The following PEPD variants were observed in gnomAD, a reference collection of about 807,000 sequenced individuals.
PEPD encodes the protein xaa-Pro dipeptidase.
PEPD carries 53 observed loss-of-function variants against 60.7 expected under a neutral mutation model. The observed-to-expected ratio is 0.87, with a 90% CI of 0.70 to 1.10. PEPD has a LOEUF of 1.10. Ranked by LOEUF, PEPD falls within the 50% of genes least tolerant of loss-of-function variation. The pLI, the probability that PEPD is intolerant of heterozygous loss-of-function variation, is 0.00. For synonymous variants in PEPD, 267 were observed against 284.1 expected (o/e 0.94, Z 0.60); for missense variants, 711 against 711.9 (o/e 1.00, Z 0.01).
chr19:33,403,088 C>T (rs1307878646), intron 11 of PEPD, among the ~76,000 whole-genome samples: 1 of 152,188 alleles, frequency 6.6e-6, no homozygotes, highest in African/African-American at 2.4e-5. Flanking sequence ...GCTCTCAGGA[C>T]TCCCCGGAAG....
intron 9 of PEPD, among the ~76,000 whole-genome samples, chr19:33,421,275 G>A (rs1969011878): frequency 6.6e-6 from 1 of 152,144 alleles, no homozygotes; most frequent in East Asian, 1.9e-4. Flanking sequence ...AAGCCCAACA[G>A]GTTTTCTGAG....
intron 9 of PEPD, among the ~76,000 whole-genome samples, chr19:33,461,232 A>G (rs1568483608): frequency 6.6e-6 from 1 of 152,166 alleles, no homozygotes; most frequent in Non-Finnish European, 1.5e-5. Flanking sequence ...AAACAAAACT[A>G]AACACAAAAA....
Position 33,511,047 on chromosome 19 carries a change from G to A in PEPD, c.310C>T (p.His104Tyr), listed in dbSNP as rs766890433. 2 of 1,613,432 alleles carry A rather than the reference G, an allele frequency of 1.2e-6. No homozygotes were observed. Among genetic ancestry groups the A allele is most frequent in the African/African-American group, 2.7e-5 (2 of 74,842 alleles). Residue 104 changes from histidine (H) to tyrosine (Y), a missense_variant, in exon 3 of 15, where the codon CAT becomes TAT. Coordinates refer to ENST00000244137, the MANE Select transcript of PEPD (RefSeq NM_000285.4). ...CCTTACTTTCCCATCCAGGTGGCAT[G>A]GCTGGCAGGAAGCCTGGGCACAAAC... ...TLFVPRLPASHATWMGKIHSK... is the reference protein window; with the variant it reads ...TLFVPRLPASYATWMGKIHSK...
chr19:33,512,171 G>A (rs1179699161), intron 2 of PEPD, among the ~76,000 whole-genome samples: 1 of 152,166 alleles, frequency 6.6e-6, no homozygotes, highest in East Asian at 1.9e-4. Flanking sequence ...ATTTAGAGTT[G>A]GAAGACAAAG....
At chr19:33,502,179 A>G (rs889708846) in intron 3 of PEPD, among the ~76,000 whole-genome samples, 6 of 152,156 alleles carry the variant, frequency 3.9e-5, no homozygotes, top group African/African-American at 1.4e-4. Flanking sequence ...GCCAAGTCCA[A>G]TGACGCACAC....
chr19:33,417,642 G>A (rs1968917823), intron 9 of PEPD, among the ~76,000 whole-genome samples: 1 of 152,162 alleles, frequency 6.6e-6, no homozygotes, highest in Non-Finnish European at 1.5e-5. Context: ...TATACACAAT[G>A]GTGCCTGGTA....
chr19:33,490,376 C>A (rs1948664053), intron 5 of PEPD, among the ~76,000 whole-genome samples: 1 of 152,354 alleles, frequency 6.6e-6, no homozygotes, highest in East Asian at 1.9e-4. Flanking sequence ...AGGCGAGGAC[C>A]CGGGACCACT....
At chr19:33,473,950 C>T (rs145678820) in intron 7 of PEPD, among the ~76,000 whole-genome samples, 15 of 152,140 alleles carry the variant, frequency 9.9e-5, no homozygotes, top group Non-Finnish European at 1.9e-4. Flanking sequence ...GAATGACAGC[C>T]GAACAAAAAT....
chr19:33,419,789 G>A (rs1968972342), intron 9 of PEPD, among the ~76,000 whole-genome samples: 1 of 152,260 alleles, frequency 6.6e-6, no homozygotes, highest in Non-Finnish European at 1.5e-5. Flanking sequence ...GGTCTGCAAG[G>A]ACAACTGGCC....
chr19:33,389,713 C>T (rs182334579), intron 13 of PEPD, among the ~76,000 whole-genome samples: 1 of 152,356 alleles, frequency 6.6e-6, no homozygotes, highest in Admixed American at 6.5e-5. Flanking sequence ...CCCAGAGAAA[C>T]GAACTTTCCT....
At chr19:33,388,262 C>A in intron 13 of PEPD, 181 bp from the exon 14 acceptor site, 1 of 701,578 alleles carries the variant, frequency 1.4e-6, no homozygotes, top group South Asian at 1.5e-5. Context: ...GACCTTCCAC[C>A]CTGCACATAC....
At chr19:33,406,842 A>T (rs1968637720) in intron 11 of PEPD, among the ~76,000 whole-genome samples, 1 of 152,036 alleles carries the variant, frequency 6.6e-6, no homozygotes, top group Non-Finnish European at 1.5e-5. Context: ...TCTCGCCATT[A>T]TCTAGCCAGG....
At chr19:33,503,001 C>T (rs984202002) in intron 3 of PEPD, among the ~76,000 whole-genome samples, 5 of 151,908 alleles carry the variant, frequency 3.3e-5, no homozygotes, top group South Asian at 2.1e-4. Flanking sequence ...GAGAACCCCA[C>T]GGAACACGGT....
intron 9 of PEPD, among the ~76,000 whole-genome samples, chr19:33,423,689 T>C (rs1186868519): frequency 6.6e-6 from 1 of 152,264 alleles, no homozygotes; most frequent in Non-Finnish European, 1.5e-5. Context: ...TTCTTATTGA[T>C]CCTTAAGGGA....
At chr19:33,433,975 C>T (rs1044156987) in intron 9 of PEPD, among the ~76,000 whole-genome samples, 3 of 94,050 alleles carry the variant, frequency 3.2e-5, no homozygotes, top group Non-Finnish European at 6.2e-5. Context: ...TGACATCTCA[C>T]AAACGTGCCC....
intron 9 of PEPD, among the ~76,000 whole-genome samples, chr19:33,458,531 T>C (rs1403281870): frequency 6.7e-6 from 1 of 149,080 alleles, no homozygotes; most frequent in African/African-American, 2.5e-5. Context: ...GATGTGTATG[T>C]GTGGTGTGTG....
At chr19:33,508,692 C>A (rs1970861602) in intron 3 of PEPD, among the ~76,000 whole-genome samples, 4 of 152,194 alleles carry the variant, frequency 2.6e-5, no homozygotes, top group Admixed American at 2.6e-4. Context: ...GGGAGAGAAC[C>A]AGGTGGAAGC....
chr19:33,496,145 A>G (rs981632667), intron 4 of PEPD, among the ~76,000 whole-genome samples: 5 of 152,208 alleles, frequency 3.3e-5, no homozygotes, highest in Non-Finnish European at 5.9e-5. Context: ...TCAGCTGCAC[A>G]GAAGGAGCCC....
Position 33,387,461 on chromosome 19 carries a change from G to A in PEPD, c.1365C>T (p.Val455=), listed in dbSNP as rs778506447. Reference sequence around the variant, plus strand: ...GCTCTATGCCGCTGTCAGTCACCACGACGTCCTCCTCGATGCGGACCTGGG... The same window carrying A: ...GCTCTATGCCGCTGTCAGTCACCACAACGTCCTCCTCGATGCGGACCTGGG... ...GFGGVRIEED[V]VVTDSGIELL... Residue 455 remains valine (V), a synonymous_variant, in exon 15 of 15, where the codon GTC becomes GTT. Coordinates refer to ENST00000244137, the MANE Select transcript of PEPD (RefSeq NM_000285.4). 1.7e-5 allele frequency: 27 copies of A among 1,613,822 alleles called. No individual in the cohort carries two copies. Among genetic ancestry groups the A allele is most frequent in the Admixed American group, 5.0e-5 (3 of 60,026 alleles).
Sources: allele counts gnomAD v4.1 joint callset (sites outside exome capture counted in the v4.1 genomes callset), GRCh38; gene constraint gnomAD v4.1.1; transcripts MANE v1.5; gene names NCBI Gene and HGNC (gene_info 2026-07-23, HGNC 2026-07-21).